The following CPNE5 variants were observed in gnomAD, a reference collection of about 807,000 sequenced individuals.
CPNE5 encodes copine 5.
CPNE5 carries 42 observed loss-of-function variants against 81.1 expected under a neutral mutation model. The ratio of observed to expected loss-of-function variants is 0.52; its 90% confidence interval spans 0.40 to 0.67. The LOEUF is 0.67. CPNE5 is among the 30% of genes least tolerant of loss of function. The pLI is 0.00. For missense variants in CPNE5, 612 were observed against 815.5 expected (o/e 0.75, Z 3.04); for synonymous variants, 313 against 321.5 (o/e 0.97, Z 0.28).
At chr6:36,808,079 C>T (rs967770805) in intron 3 of CPNE5, among the ~76,000 whole-genome samples, 1 of 149,824 alleles carries the variant, frequency 6.7e-6, no homozygotes, top group African/African-American at 2.5e-5. Context: ...CTGTTGCTTC[C>T]AGATTTCTTT....
At chr6:36,797,535 G>C (rs1235240812) in intron 6 of CPNE5, among the ~76,000 whole-genome samples, 3 of 152,226 alleles carry the variant, frequency 2.0e-5, no homozygotes, top group African/African-American at 7.2e-5. Flanking sequence ...TACTTCCTGA[G>C]AAATAGGGAC....
rs919594798 is a variant in CPNE5, at chr6:36,751,613, A to C, written c.971+1421T>G. On this transcript the variant is annotated intron_variant, in intron 14 of 20. Coordinates refer to ENST00000244751, the MANE Select transcript of CPNE5 (RefSeq NM_020939.2). ...GAGACCAGCCTGGCCAAAATGGTGA[A>C]AGCCCGTCTCTACTAAAAATACAAA... is the stretch of plus-strand genomic sequence containing the variant. 2.6e-5 allele frequency among the ~76,000 whole-genome samples: 4 copies of C among 152,264 alleles called. 1 individual carries two copies. The East Asian group carries it at 7.7e-4, about 29-fold the overall frequency.
intron 1 of CPNE5, among the ~76,000 whole-genome samples, chr6:36,835,109 C>A (rs1773364430): frequency 6.6e-6 from 1 of 152,250 alleles, no homozygotes; most frequent in Non-Finnish European, 1.5e-5. Flanking sequence ...GGGCTGCTTC[C>A]AGACTCGCCC....
rs374963276 is a variant in CPNE5, at chr6:36,743,887, G to A, written c.1490-125C>T. The A allele has an allele frequency of 1.3e-4, 105 of 830,322 alleles. No homozygotes were observed. The African/African-American group carries it at 1.4e-3, about 11-fold the overall frequency. The allele number at this position is 830,322 out of a possible 1,614,324, so 51.4% of individuals were successfully genotyped here. On this transcript the variant is annotated intron_variant, in intron 19 of 20. Transcript: ENST00000244751. ...GGCCGAGACCACTGGCCCATGCCCC[G>A]TGTTAGAGATGAGGAAACTGAGGCC...
At chr6:36,829,870 T>A (rs236362) in intron 1 of CPNE5, among the ~76,000 whole-genome samples, 89,554 of 116,330 alleles carry the variant, frequency 0.77, 32,024 homozygotes, top group African/African-American at 0.84. Flanking sequence ...AAAAAAAAAA[T>A]ACCCAACAGG....
At chr6:36,795,660 G>A (rs1287228434) in intron 6 of CPNE5, among the ~76,000 whole-genome samples, 1 of 152,216 alleles carries the variant, frequency 6.6e-6, no homozygotes, top group Non-Finnish European at 1.5e-5. Flanking sequence ...CATGAACTCT[G>A]TTGACATCTT....
intron 11 of CPNE5, 82 bp from the exon 12 acceptor site, chr6:36,763,074 C>G: frequency 8.0e-7 from 1 of 1,252,436 alleles, no homozygotes; most frequent in African/African-American, 1.5e-5. Context: ...ACATCCGTTT[C>G]TTTGGCTCCC....
At chr6:36,779,647 C>T (rs1278581196) in intron 8 of CPNE5, among the ~76,000 whole-genome samples, 9 of 152,204 alleles carry the variant, frequency 5.9e-5, no homozygotes, top group African/African-American at 2.2e-4. Context: ...GGAGTGGCTT[C>T]CCCAAGTTCA....
At chr6:36,758,018 C>T (rs1484385147) in intron 12 of CPNE5, among the ~76,000 whole-genome samples, 2 of 152,102 alleles carry the variant, frequency 1.3e-5, no homozygotes, top group East Asian at 1.9e-4. Context: ...AAAATCAGAG[C>T]AGGCTCTAGG....
intron 1 of CPNE5, among the ~76,000 whole-genome samples, chr6:36,825,243 G>A (rs372547491): frequency 1.6e-4 from 24 of 152,160 alleles, no homozygotes; most frequent in African/African-American, 4.6e-4. Context: ...ATGGACAAAC[G>A]CAACAGCAGC....
chr6:36,820,536 C>G (rs1203092093), intron 3 of CPNE5, among the ~76,000 whole-genome samples: 1 of 151,876 alleles, frequency 6.6e-6, no homozygotes, highest in Non-Finnish European at 1.5e-5. Context: ...TTTTAAGCAA[C>G]CATGTATTAA....
At chr6:36,834,285 AAGGGAGGGAGGGAGGG>A (rs1187594447) in intron 1 of CPNE5, among the ~76,000 whole-genome samples, 6 of 91,528 alleles carry the variant, frequency 6.6e-5, no homozygotes, top group African/African-American at 2.9e-4. Context: ...AAAAGGAAGG[AAGGGAGGGAGGGAGGG>A]AGGGAGGGAG....
chr6:36,775,301 A>G (rs184534726), intron 9 of CPNE5, among the ~76,000 whole-genome samples: 6 of 152,328 alleles, frequency 3.9e-5, no homozygotes, highest in African/African-American at 1.4e-4. Context: ...AGGTGGGGAC[A>G]AGTCCCAGGG....
rs770045039 is a variant in CPNE5, at chr6:36,742,218, A to G, written c.*50T>C. On this transcript the variant is annotated 3_prime_UTR_variant, in exon 21 of 21. Transcript: ENST00000244751. The stretch of plus-strand genomic sequence containing the variant: ...GGGGAGTCTGGGGCCCTGGCCTCCC[A>G]TTCACCTGGCCTCTCCCAGGCCCCA... 1.4e-6 allele frequency: 2 copies of G among 1,419,092 alleles called. No individual in the cohort carries two copies. Among genetic ancestry groups the G allele is most frequent in the Non-Finnish European group, 1.9e-6 (2 of 1,044,464 alleles). The allele number at this position is 1,419,092 out of a possible 1,614,324, so 87.9% of individuals were successfully genotyped here. A position where few individuals can be genotyped will look rare whatever the true frequency, so the allele number is the denominator to read the frequency against.
intron 10 of CPNE5, 37 bp from the exon 11 acceptor site, chr6:36,765,413 C>A: frequency 6.2e-7 from 1 of 1,613,444 alleles, no homozygotes; most frequent in Non-Finnish European, 8.5e-7. Context: ...TGGGCCCAAC[C>A]CCACACCCAC....
At chr6:36,751,990 A>G (rs1293232478) in intron 14 of CPNE5, among the ~76,000 whole-genome samples, 1 of 151,944 alleles carries the variant, frequency 6.6e-6, no homozygotes, top group Non-Finnish European at 1.5e-5. Flanking sequence ...AGGTAAGAGC[A>G]GAGGAGCTCC....
chr6:36,793,091 A>G (rs1769245136), intron 7 of CPNE5, among the ~76,000 whole-genome samples: 1 of 152,164 alleles, frequency 6.6e-6, no homozygotes, highest in Non-Finnish European at 1.5e-5. Context: ...ACAATTGTGC[A>G]ACGCTGGTAA....
intron 6 of CPNE5, among the ~76,000 whole-genome samples, chr6:36,795,980 G>A (rs115218879): frequency 0.038 from 5,757 of 152,158 alleles, 173 homozygotes; most frequent in East Asian, 0.12. Flanking sequence ...ATGGAATCTC[G>A]TTCTGTCACC....
At chr6:36,839,523 T>C, upstream of CPNE5, 2 of 573,428 alleles carry the variant, frequency 3.5e-6, no homozygotes, top group East Asian at 6.8e-5. The surrounding 1 kb of genome is among the most constrained non-coding windows in gnomAD (Gnocchi z 7.3). Flanking sequence ...AGAGGGGGCG[T>C]GGGAAGTGAG....
Sources: gnomAD v4.1 joint callset for allele counts (sites outside exome capture counted in the v4.1 genomes callset) on GRCh38, gnomAD v4.1.1 for gene constraint, Gnocchi (gnomAD v3.1) non-coding constraint, MANE v1.5 for transcripts, NCBI Gene and HGNC (gene_info 2026-07-23, HGNC 2026-07-21) for gene names.